Variants in FSTL5 observed in about 807,000 individuals in gnomAD.
The protein encoded by FSTL5 is follistatin like 5.
FSTL5 carries 62 observed loss-of-function variants against 89.1 expected under a neutral mutation model. The observed-to-expected ratio is 0.70, with a 90% CI of 0.57 to 0.86. FSTL5 has a LOEUF of 0.86. FSTL5 is among the 40% of genes least tolerant of loss of function. The pLI is 0.00. For synonymous variants in FSTL5, 383 were observed against 346.2 expected (o/e 1.11, Z -1.18); for missense variants, 1,057 against 1,001.6 (o/e 1.06, Z -0.75).
chr4:161,967,174 G>GTAACA (rs1735353002), intron 3 of FSTL5, among the ~76,000 whole-genome samples: 3 of 151,822 alleles, frequency 2.0e-5, no homozygotes, highest in Non-Finnish European at 4.4e-5. Context: ...TAGTTTACCT[G>GTAACA]AGATAGTCAC....
chr4:162,117,212 C>T (rs1731676444), intron 1 of FSTL5, among the ~76,000 whole-genome samples: 1 of 152,152 alleles, frequency 6.6e-6, no homozygotes, highest in Non-Finnish European at 1.5e-5. Context: ...ACTGTGTAAC[C>T]TAAGCAAAAC....
At chr4:162,070,033 C>T (rs1363081596) in intron 2 of FSTL5, among the ~76,000 whole-genome samples, 2 of 151,748 alleles carry the variant, frequency 1.3e-5, no homozygotes, top group Non-Finnish European at 1.5e-5. Flanking sequence ...CCATCTTTAC[C>T]AGCATTTCTT....
In FSTL5 at chr4:161,386,374, T is replaced by C. The variant is rs771205406; in HGVS notation, c.1917A>G (p.Thr639=). The C allele has an allele frequency of 4.3e-6, 7 of 1,613,894 alleles. No homozygotes were observed. The highest frequency in any genetic ancestry group is 5.1e-6 in the Non-Finnish European group (6 of 1,179,876). The change falls in exon 16 of 16, where the codon ACA becomes ACG. Residue 639 remains threonine (T), a synonymous_variant. Coordinates refer to ENST00000306100, the MANE Select transcript of FSTL5 (RefSeq NM_020116.5). ...CGCACTTATAGTCCTTCAAGTTAATTGTCTTGATGTATGACATGGTTTCAA... is the reference window on the plus strand; with the variant it reads ...CGCACTTATAGTCCTTCAAGTTAATCGTCTTGATGTATGACATGGTTTCAA... ...IDLETMSYIK[T]INLKDYKCVP...
rs532432246 is a variant in FSTL5, at chr4:161,695,668, T to C, written c.728-39174A>G. Among the ~76,000 whole-genome samples the C allele has an allele frequency of 5.9e-5, 9 of 152,124 alleles. No homozygotes were observed. In the South Asian group the frequency reaches 1.9e-3, roughly 32 times the overall value. ...TATGGCCATTCTTGCAGGAGTTAGG[T>C]GGTATTGCATGGTAGTTTTGATTTA... On this transcript the variant is annotated intron_variant, in intron 6 of 15. Coordinates refer to ENST00000306100, the MANE Select transcript of FSTL5 (RefSeq NM_020116.5).
At chr4:161,929,975 C>T (rs1734242509) in intron 3 of FSTL5, among the ~76,000 whole-genome samples, 1 of 151,628 alleles carries the variant, frequency 6.6e-6, no homozygotes, top group Non-Finnish European at 1.5e-5. Context: ...TTTCTTCACA[C>T]CTAATGCATT....
chr4:161,798,450 A>C (rs1729698329), intron 4 of FSTL5, among the ~76,000 whole-genome samples: 1 of 150,934 alleles, frequency 6.6e-6, no homozygotes, highest in Non-Finnish European at 1.5e-5. Flanking sequence ...AGGGTGAAAA[A>C]ATAAAGAAAT....
chr4:162,132,480 G>A (rs1379901970), intron 1 of FSTL5, among the ~76,000 whole-genome samples: 1 of 152,092 alleles, frequency 6.6e-6, no homozygotes, highest in South Asian at 2.1e-4. Flanking sequence ...AACATCAGAA[G>A]GAACCAACTC....
At chr4:161,987,387 C>T (rs1328272974) in intron 3 of FSTL5, among the ~76,000 whole-genome samples, 1 of 150,000 alleles carries the variant, frequency 6.7e-6, no homozygotes, top group African/African-American at 2.4e-5. Flanking sequence ...TTTAGAATGG[C>T]GGGGAAGGAG....
intron 6 of FSTL5, among the ~76,000 whole-genome samples, chr4:161,745,437 A>G (rs1462236583): frequency 1.3e-5 from 2 of 152,108 alleles, no homozygotes; most frequent in African/African-American, 4.8e-5. Context: ...ACATCATATT[A>G]GGATAAATTT....
chr4:161,710,643 C>T (rs968080598), intron 6 of FSTL5, among the ~76,000 whole-genome samples: 6 of 152,188 alleles, frequency 3.9e-5, no homozygotes, highest in African/African-American at 1.2e-4. Flanking sequence ...ATCAAAGGAA[C>T]ACTTGCCTTT....
chr4:162,033,773 C>T (rs1310743649), intron 2 of FSTL5, 115 bp from the exon 3 acceptor site: 9 of 592,632 alleles, frequency 1.5e-5, no homozygotes, highest in South Asian at 4.9e-5. Flanking sequence ...TTCCCAGGAA[C>T]ATGATTCTCG....
At chr4:161,886,254 A>AAG (rs569350759) in intron 4 of FSTL5, among the ~76,000 whole-genome samples, 127 of 152,312 alleles carry the variant, frequency 8.3e-4, no homozygotes, top group African/African-American at 3.0e-3. Context: ...GAGGTCAGTG[A>AAG]AGCCCTTCTC....
At chr4:162,127,857 A>G (rs1450698524) in intron 1 of FSTL5, among the ~76,000 whole-genome samples, 3 of 152,186 alleles carry the variant, frequency 2.0e-5, no homozygotes, top group Non-Finnish European at 4.4e-5. Context: ...ATTGATGATA[A>G]CATTGGAAGA....
chr4:161,766,906 CG>C (rs1741025165), intron 5 of FSTL5, among the ~76,000 whole-genome samples: 8 of 138,620 alleles, frequency 5.8e-5, no homozygotes, highest in African/African-American at 1.5e-4. Context: ...GATGATAGAT[CG>C]ATTGATAGAT....
chr4:161,900,939 T>A (rs1733344347), intron 4 of FSTL5, among the ~76,000 whole-genome samples: 1 of 152,136 alleles, frequency 6.6e-6, no homozygotes, highest in African/African-American at 2.4e-5. Flanking sequence ...TATTATTTTT[T>A]ATTTACACTA....
chr4:161,623,625 T>A (rs191817000), intron 7 of FSTL5, among the ~76,000 whole-genome samples: 1 of 152,112 alleles, frequency 6.6e-6, no homozygotes, highest in African/African-American at 2.4e-5. Flanking sequence ...GTTTAGATTT[T>A]ATCAGTGATT....
At chr4:162,069,122 G>A (rs1729482997) in intron 2 of FSTL5, among the ~76,000 whole-genome samples, 1 of 152,006 alleles carries the variant, frequency 6.6e-6, no homozygotes, top group Non-Finnish European at 1.5e-5. Flanking sequence ...TAACCATTGT[G>A]GAAGACAGTG....
intron 3 of FSTL5, among the ~76,000 whole-genome samples, chr4:162,007,706 A>T (rs1277625965): frequency 6.6e-6 from 1 of 151,880 alleles, no homozygotes; most frequent in East Asian, 1.9e-4. Context: ...GTAATAGGCA[A>T]ATAAATGCTG....
intron 6 of FSTL5, among the ~76,000 whole-genome samples, chr4:161,758,556 T>C (rs1176432481): frequency 6.6e-6 from 1 of 152,222 alleles, no homozygotes; most frequent in Non-Finnish European, 1.5e-5. Context: ...TCTTGCTCTG[T>C]CACCCAGGCT....
Sources: gnomAD v4.1 joint callset for allele counts (sites outside exome capture counted in the v4.1 genomes callset) on GRCh38, gnomAD v4.1.1 for gene constraint, MANE v1.5 for transcripts, NCBI Gene and HGNC (gene_info 2026-07-23, HGNC 2026-07-21) for gene names.